Variants in FBXL7 observed in about 807,000 individuals in gnomAD.
FBXL7 encodes the protein F-box and leucine rich repeat protein 7.
Under a neutral mutation model 38.3 loss-of-function variants are expected in FBXL7, and 12 were observed. The ratio of observed to expected loss-of-function variants is 0.31; its 90% CI spans 0.20 to 0.51. FBXL7 has a LOEUF of 0.51. Among genes scored for constraint, FBXL7 ranks in the 20% least tolerant of loss-of-function variants. The pLI, the probability that FBXL7 is intolerant of heterozygous loss-of-function variation, is 0.98. For synonymous variants in FBXL7, 297 were observed against 300.9 expected (o/e 0.99, Z 0.13); for missense variants, 567 against 676.4 (o/e 0.84, Z 1.79).
intron 2 of FBXL7, among the ~76,000 whole-genome samples, chr5:15,851,231 AT>A (rs950672906): frequency 1.9e-4 from 29 of 151,908 alleles, no homozygotes; most frequent in East Asian, 9.7e-4. Context: ...TGTTCAGAGA[AT>A]TTTTTTTTCT....
At chr5:15,702,057 G>A (rs2126633683) in intron 2 of FBXL7, among the ~76,000 whole-genome samples, 1 of 152,180 alleles carries the variant, frequency 6.6e-6, no homozygotes, top group African/African-American at 2.4e-5. Flanking sequence ...GGCCAACATG[G>A]TGAAACCCCC....
chr5:15,842,761 T>C (rs548467722), intron 2 of FBXL7, among the ~76,000 whole-genome samples: 7 of 152,344 alleles, frequency 4.6e-5, no homozygotes, highest in Non-Finnish European at 8.8e-5. Flanking sequence ...GCACAAGCTC[T>C]TGTTTGCCAC....
At chr5:15,572,366 A>G (rs1386328560) in intron 1 of FBXL7, among the ~76,000 whole-genome samples, 4 of 150,798 alleles carry the variant, frequency 2.7e-5, no homozygotes, top group Non-Finnish European at 5.9e-5. Flanking sequence ...GCTTTAGCAG[A>G]AACATCCATC....
At chr5:15,757,197 G>A (rs1475095283) in intron 2 of FBXL7, among the ~76,000 whole-genome samples, 6 of 151,720 alleles carry the variant, frequency 4.0e-5, no homozygotes, top group African/African-American at 1.5e-4. Flanking sequence ...TCCTTTCATA[G>A]GAGAGAGAGA....
At chr5:15,829,102 G>A (rs1235915380) in intron 2 of FBXL7, among the ~76,000 whole-genome samples, 1 of 152,160 alleles carries the variant, frequency 6.6e-6, no homozygotes, top group African/African-American at 2.4e-5. Flanking sequence ...TTTTAATATA[G>A]CTTGAGTTCT....
At chr5:15,754,254 A>T (rs376629097) in intron 2 of FBXL7, among the ~76,000 whole-genome samples, 152 of 152,322 alleles carry the variant, frequency 1.0e-3, no homozygotes, top group African/African-American at 3.4e-3. Flanking sequence ...TTAGAGCTTC[A>T]GAATGCATTG....
Position 15,707,174 on chromosome 5 carries a change from G to GTTTTTTTTTTTTTTTTTTTTTTTTT in FBXL7, c.127+91125_127+91126insTTTTTTTTTTTTTTTTTTTTTTTTT, listed in dbSNP as rs71603796. ...AGGTAGTGTTTCTTTTTTTCTTTTCGTTTTTTTTTTTTTTTTTTTTTTTGC... is the reference window on the plus strand; with the variant it reads ...AGGTAGTGTTTCTTTTTTTCTTTTCGTTTTTTTTTTTTTTTTTTTTTTTTTTTTTTTTTTTTTTTTTTTTTTTTGC... On this transcript the variant is annotated intron_variant, in intron 2 of 3. Coordinates refer to ENST00000504595, the MANE Select transcript of FBXL7 (RefSeq NM_012304.5). 1.7e-4 allele frequency among the ~76,000 whole-genome samples: 12 copies of GTTTTTTTTTTTTTTTTTTTTTTTTT among 70,400 alleles called. 1 individual carries two copies. Among genetic ancestry groups the GTTTTTTTTTTTTTTTTTTTTTTTTT allele is most frequent in the East Asian group, 9.7e-4 (2 of 2,058 alleles). 46.2% of individuals were successfully genotyped at this position (70,400 alleles called of 152,430 possible). A position where few individuals can be genotyped will look rare whatever the true frequency, so the allele number is the denominator to read the frequency against.
At chr5:15,698,482 A>G (rs577993356) in intron 2 of FBXL7, among the ~76,000 whole-genome samples, 7 of 152,336 alleles carry the variant, frequency 4.6e-5, no homozygotes, top group African/African-American at 1.2e-4. Flanking sequence ...TTGACCACTC[A>G]ATAGTGAAAT....
chr5:15,610,101 G>C (rs533306731), intron 1 of FBXL7, among the ~76,000 whole-genome samples: 3 of 152,154 alleles, frequency 2.0e-5, no homozygotes, highest in African/African-American at 7.2e-5. Flanking sequence ...ACTACCACAA[G>C]AACAGTATGG....
chr5:15,711,332 C>T lies in FBXL7; in HGVS notation c.127+95260C>T, dbSNP rs559096003. Reference sequence around the variant, plus strand: ...CCTCCATGATTGCGTGGCATTCTGTCATTTGTATGTGACTTCATATTGTAT... The same window carrying T: ...CCTCCATGATTGCGTGGCATTCTGTTATTTGTATGTGACTTCATATTGTAT... On this transcript the variant is annotated intron_variant, in intron 2 of 3. Coordinates refer to ENST00000504595, the MANE Select transcript of FBXL7 (RefSeq NM_012304.5). 2.0e-5 allele frequency among the ~76,000 whole-genome samples: 3 copies of T among 152,280 alleles called. No homozygotes were observed. The East Asian group carries it at 5.8e-4, about 29-fold the overall frequency.
chr5:15,913,892 G>A (rs1741510662), intron 2 of FBXL7, among the ~76,000 whole-genome samples: 1 of 152,152 alleles, frequency 6.6e-6, no homozygotes. Flanking sequence ...TCAAAGAGAA[G>A]CCAGTTCCAG....
At chr5:15,693,417 C>T (rs1424544610) in intron 2 of FBXL7, among the ~76,000 whole-genome samples, 1 of 152,156 alleles carries the variant, frequency 6.6e-6, no homozygotes, top group Non-Finnish European at 1.5e-5. Flanking sequence ...CCCTTATTCC[C>T]TTGCTTCCTT....
intron 2 of FBXL7, among the ~76,000 whole-genome samples, chr5:15,853,648 C>T (rs748706004): frequency 3.9e-5 from 6 of 152,244 alleles, no homozygotes; most frequent in Middle Eastern, 3.4e-3. Flanking sequence ...ATGCCCCAGG[C>T]AGGCAGGTGG....
At chr5:15,722,794 A>G (rs998329630) in intron 2 of FBXL7, among the ~76,000 whole-genome samples, 1 of 152,048 alleles carries the variant, frequency 6.6e-6, no homozygotes, top group African/African-American at 2.4e-5. Context: ...GTGGTGGTGC[A>G]TGCCTGTAGT....
chr5:15,651,375 G>A (rs554554820), intron 2 of FBXL7, among the ~76,000 whole-genome samples: 81 of 152,172 alleles, frequency 5.3e-4, no homozygotes, highest in African/African-American at 1.9e-3. Context: ...GATTACAAGC[G>A]TGAGCCACTG....
In FBXL7 at chr5:15,905,787, A is replaced by G. The variant is rs73752384; in HGVS notation, c.128-22103A>G. Among the ~76,000 whole-genome samples, 1,171 of 152,270 alleles carry G rather than the reference A, an allele frequency of 7.7e-3. 23 individuals are homozygous for G. The highest frequency in any genetic ancestry group is 0.027 in the African/African-American group (1,107 of 41,550). ...TGTGATGTGGCTTGGGGGACACATA[A>G]GAAAGAAAACAGAAGGCAGGAATGG... On this transcript the variant is annotated intron_variant, in intron 2 of 3. Coordinates refer to ENST00000504595, the MANE Select transcript of FBXL7 (RefSeq NM_012304.5).
chr5:15,500,633 A>G lies in FBXL7; in HGVS notation c.-44A>G. ...GCCGAGCGCGCAGGACGTGCGCCGC[A>G]GCTATGGAGTGTCCCGGGAGACGGC... On this transcript the variant is annotated 5_prime_UTR_variant, in exon 1 of 4. Coordinates refer to ENST00000504595, the MANE Select transcript of FBXL7 (RefSeq NM_012304.5). The G allele has an allele frequency of 6.2e-7, 1 of 1,612,892 alleles. No individual in the cohort carries two copies. Among genetic ancestry groups the G allele is most frequent in the Non-Finnish European group, 8.5e-7 (1 of 1,179,268 alleles).
Position 15,830,253 on chromosome 5 carries a change from G to A in FBXL7, c.128-97637G>A, listed in dbSNP as rs374504257. On this transcript the variant is annotated intron_variant, in intron 2 of 3. Coordinates refer to ENST00000504595, the MANE Select transcript of FBXL7 (RefSeq NM_012304.5). Reference sequence around the variant, plus strand: ...AACCCCAGCACTTTGGGAGGCCAAGGCGGGCAGATCACTTGAGGTCAGGAG... The same window carrying A: ...AACCCCAGCACTTTGGGAGGCCAAGACGGGCAGATCACTTGAGGTCAGGAG... Among the ~76,000 whole-genome samples the A allele has an allele frequency of 6.9e-4, 105 of 152,202 alleles. 1 individual carries two copies. Among genetic ancestry groups the A allele is most frequent in the African/African-American group, 2.4e-3 (98 of 41,532 alleles).
intron 2 of FBXL7, among the ~76,000 whole-genome samples, chr5:15,801,053 C>G (rs2126741166): frequency 6.6e-6 from 1 of 152,292 alleles, no homozygotes; most frequent in East Asian, 1.9e-4. Context: ...GCAGAATTTA[C>G]TTTTCTCTGG....
Sources: allele counts gnomAD v4.1 joint callset (sites outside exome capture counted in the v4.1 genomes callset), GRCh38; gene constraint gnomAD v4.1.1; transcripts MANE v1.5; gene names NCBI Gene and HGNC (gene_info 2026-07-23, HGNC 2026-07-21).